Variants in USH2A observed in about 807,000 individuals in gnomAD.
USH2A encodes the protein usherin.
USH2A carries 443 observed loss-of-function variants against 538.9 expected under a neutral mutation model. The observed-to-expected ratio is 0.82, with a 90% confidence interval of 0.76 to 0.89. The LOEUF (loss-of-function observed/expected upper bound fraction) is 0.89, where lower values mean the gene tolerates loss of function less well. USH2A is among the 40% of genes least tolerant of loss of function. The pLI, the probability that USH2A is intolerant of heterozygous loss-of-function variation, is 0.00. For synonymous variants in USH2A, 2,413 were observed against 2,273.5 expected (o/e 1.06, Z -1.75); for missense variants, 6,633 against 6,324.8 (o/e 1.05, Z -1.65).
chr1:215,637,925 T>C (rs918759117), intron 69 of USH2A, among the ~76,000 whole-genome samples: 8 of 152,188 alleles, frequency 5.3e-5, no homozygotes, highest in Non-Finnish European at 1.2e-4. Flanking sequence ...TGGAAAAGAT[T>C]TGGCATTTCT....
intron 21 of USH2A, among the ~76,000 whole-genome samples, chr1:216,163,869 A>G (rs532826830): frequency 1.0e-3 from 159 of 152,132 alleles, no homozygotes; most frequent in African/African-American, 3.7e-3. Context: ...AGGCTCACCT[A>G]CATGGTTTTT....
chr1:216,226,624 T>A (rs2035566973), intron 14 of USH2A, among the ~76,000 whole-genome samples: 1 of 152,232 alleles, frequency 6.6e-6, no homozygotes, highest in African/African-American at 2.4e-5. Context: ...TTGATCTTTC[T>A]CACCATTAGG....
Position 215,743,438 on chromosome 1 carries a change from A to G in USH2A, c.11390-103T>C, listed in dbSNP as rs1403027349. 0.01 allele frequency: 2,865 copies of G among 274,138 alleles called. 344 individuals are homozygous for G. Among genetic ancestry groups the G allele is most frequent in the East Asian group, 0.054 (595 of 10,946 alleles). 17.0% of individuals were successfully genotyped at this position (274,138 alleles called of 1,614,324 possible). ...TGTGTATATATATATAGACACACATATATATATAAATAAATATATATAGAC... is the reference window on the plus strand; with the variant it reads ...TGTGTATATATATATAGACACACATGTATATATAAATAAATATATATAGAC... On this transcript the variant is annotated intron_variant, in intron 58 of 71. Transcript: ENST00000307340.
At chr1:215,956,182 T>G (rs1036174212) in intron 37 of USH2A, among the ~76,000 whole-genome samples, 3 of 152,194 alleles carry the variant, frequency 2.0e-5, no homozygotes, top group Admixed American at 1.3e-4. Flanking sequence ...TACTATTTAT[T>G]CAACAAGCAC....
At chr1:215,657,308 A>C (rs1053176171) in intron 64 of USH2A, among the ~76,000 whole-genome samples, 2 of 152,238 alleles carry the variant, frequency 1.3e-5, no homozygotes, top group African/African-American at 4.8e-5. Context: ...ATAGGTTTTG[A>C]ATATGTTTGA....
chr1:216,067,196 G>T (rs1414962346), intron 30 of USH2A, among the ~76,000 whole-genome samples: 1 of 152,138 alleles, frequency 6.6e-6, no homozygotes, highest in African/African-American at 2.4e-5. Flanking sequence ...TCACTCATAA[G>T]TGGGAATTGA....
rs140548353 is a variant in USH2A at position 215,766,720 on chromosome 1, C to T, written c.11008G>A (p.Glu3670Lys). The change falls in exon 56 of 72, where the codon GAG becomes AAG. Residue 3670 changes from glutamate (E) to lysine (K), a missense_variant. Physicochemically the swap from Glu to Lys is moderately conservative, Grantham distance 56 (BLOSUM62 1). Transcript: ENST00000307340. ...ACTSAGCTSSEPFLGQTLQAA... is the reference protein window; with the variant it reads ...ACTSAGCTSSKPFLGQTLQAA... ...TGCAGTGTCTGACCTAGAAAAGGCT[C>T]GCTTGAAGTGCACCCAGCAGATGTA... The T allele has an allele frequency of 6.4e-5, 103 of 1,613,496 alleles. No homozygotes were observed. The highest frequency in any genetic ancestry group is 1.6e-4 in the South Asian group (15 of 91,084).
intron 49 of USH2A, among the ~76,000 whole-genome samples, chr1:215,804,451 A>G (rs1158230023): frequency 2.5e-4 from 38 of 151,844 alleles, no homozygotes; most frequent in African/African-American, 9.2e-4. Context: ...AAAACAAACA[A>G]CCCCATCAAA....
chr1:216,193,338 A>G (rs74879558), intron 19 of USH2A, among the ~76,000 whole-genome samples: 1,794 of 152,196 alleles, frequency 0.012, 42 homozygotes, highest in African/African-American at 0.042. Context: ...TCATGAGATA[A>G]TTGCAAATGA....
At chr1:215,653,745 C>T (rs542146782) in intron 64 of USH2A, among the ~76,000 whole-genome samples, 53 of 152,148 alleles carry the variant, frequency 3.5e-4, no homozygotes, top group African/African-American at 1.2e-3. Flanking sequence ...TGTCTATGCC[C>T]GGCTAAGCAA....
rs760024584 is a variant in USH2A, at chr1:215,743,311, A to G, written c.11414T>C (p.Val3805Ala). The G allele has an allele frequency of 1.4e-5, 23 of 1,605,612 alleles. No homozygotes were observed. Among genetic ancestry groups the G allele is most frequent in the Non-Finnish European group, 1.8e-5 (21 of 1,176,428 alleles). Residue 3805 changes from valine to alanine, a missense_variant, in exon 59 of 72, where the codon GTG (valine) becomes GCG (alanine). Transcript: ENST00000307340. ...PPGILIPEIP[V>A]EYNVLLNDGS... ...ATCATTGAGTAAGACATTGTACTCC[A>G]CAGGAATTTCGGGGATGAGGATCCC...
At chr1:216,071,451 A>G (rs926518082) in intron 29 of USH2A, among the ~76,000 whole-genome samples, 4 of 152,220 alleles carry the variant, frequency 2.6e-5, no homozygotes, top group Non-Finnish European at 5.9e-5. Flanking sequence ...AAAGTACAGT[A>G]CAGTCTAACA....
chr1:216,335,584 A>G (rs1364848755), intron 4 of USH2A, among the ~76,000 whole-genome samples: 1 of 151,664 alleles, frequency 6.6e-6, no homozygotes, highest in Non-Finnish European at 1.5e-5. Context: ...AGGAATTAAA[A>G]AAGGGAAATT....
intron 55 of USH2A, among the ~76,000 whole-genome samples, chr1:215,774,633 A>G (rs997258801): frequency 5.3e-5 from 8 of 152,038 alleles, no homozygotes; most frequent in African/African-American, 1.9e-4. Context: ...TTTCTTCTCT[A>G]AAAACAAAAT....
chr1:215,715,169 G>A (rs1659449229), intron 61 of USH2A, among the ~76,000 whole-genome samples: 1 of 152,016 alleles, frequency 6.6e-6, no homozygotes. Flanking sequence ...CCCCAGTGTG[G>A]GTTGTTCCCC....
At chr1:215,979,250 C>G (rs981777495) in intron 35 of USH2A, among the ~76,000 whole-genome samples, 1 of 152,100 alleles carries the variant, frequency 6.6e-6, no homozygotes, top group African/African-American at 2.4e-5. Context: ...CAATTACTTC[C>G]CACGGGGTCT....
chr1:216,378,334 C>T (rs2038874026), intron 3 of USH2A, among the ~76,000 whole-genome samples: 1 of 152,080 alleles, frequency 6.6e-6, no homozygotes, highest in Non-Finnish European at 1.5e-5. Context: ...TCTCCTAAGA[C>T]TTACAGCAAT....
intron 44 of USH2A, among the ~76,000 whole-genome samples, chr1:215,865,322 G>A (rs926867509): frequency 6.6e-6 from 1 of 152,148 alleles, no homozygotes; most frequent in Non-Finnish European, 1.5e-5. Flanking sequence ...CCTACATCCC[G>A]AAGGTCAGAG....
chr1:215,836,657 C>T (rs12126972), intron 47 of USH2A, among the ~76,000 whole-genome samples: 2 of 133,950 alleles, frequency 1.5e-5, no homozygotes, highest in Admixed American at 8.3e-5. Context: ...CCCAGGTTCA[C>T]GCCATGCTCC....
Sources: allele counts gnomAD v4.1 joint callset (sites outside exome capture counted in the v4.1 genomes callset), GRCh38; gene constraint gnomAD v4.1.1; transcripts MANE v1.5; gene names NCBI Gene and HGNC (gene_info 2026-07-23, HGNC 2026-07-21).